Variants in TBCE observed in about 807,000 individuals in gnomAD.
The protein encoded by TBCE is tubulin-specific chaperone E.
A neutral mutation model predicts 77.0 loss-of-function variants in TBCE; 53 were observed. The ratio of observed to expected loss-of-function variants is 0.69; its 90% confidence interval spans 0.55 to 0.87. TBCE has a LOEUF of 0.87. Among genes scored for constraint, TBCE ranks in the 40% least tolerant of loss-of-function variants. TBCE has a pLI of 0.00. For missense variants in TBCE, 624 were observed against 622.4 expected, an observed-to-expected ratio of 1.00 and a Z score of -0.03; for synonymous variants, 235 against 241.3, an observed-to-expected ratio of 0.97 and a Z score of 0.24.
chr1:235,413,478 A>G (rs1036680284), intron 3 of TBCE, among the ~76,000 whole-genome samples: 1 of 152,076 alleles, frequency 6.6e-6, no homozygotes, highest in African/African-American at 2.4e-5. Flanking sequence ...CCTGGCCAAC[A>G]TGGTGAAACC....
intron 2 of TBCE, among the ~76,000 whole-genome samples, chr1:235,388,424 G>C (rs1382285573): frequency 6.6e-6 from 1 of 151,756 alleles, no homozygotes; most frequent in Non-Finnish European, 1.5e-5. Context: ...GAGTAGCTGG[G>C]ATTACGGGGA....
intron 3 of TBCE, among the ~76,000 whole-genome samples, chr1:235,413,324 G>A (rs1362646939): frequency 6.6e-6 from 1 of 150,796 alleles, no homozygotes; most frequent in Non-Finnish European, 1.5e-5. Flanking sequence ...TTGTGTCACT[G>A]CACTCTCACC....
chr1:235,372,215 G>A (rs904754677), intron 1 of TBCE, among the ~76,000 whole-genome samples: 2 of 151,910 alleles, frequency 1.3e-5, no homozygotes. Flanking sequence ...ACTCCACCTC[G>A]CCAGGCTAAT....
chr1:235,440,708 T>A (rs2102935339), intron 13 of TBCE: 1 of 152,326 alleles, frequency 6.6e-6, no homozygotes, highest in Middle Eastern at 3.4e-3. Context: ...TCTGTATTTT[T>A]TTAAAGCCCC....
intron 4 of TBCE, among the ~76,000 whole-genome samples, chr1:235,417,515 G>A (rs148434039): frequency 7.2e-5 from 11 of 152,170 alleles, no homozygotes; most frequent in Non-Finnish European, 1.2e-4. Context: ...AATTGGTGGC[G>A]TCCAGTCTGA....
chr1:235,409,848 G>A (rs375375925), intron 3 of TBCE, among the ~76,000 whole-genome samples: 1 of 24,644 alleles, frequency 4.1e-5, no homozygotes, highest in Non-Finnish European at 7.0e-5. Context: ...ATCTAACACA[G>A]TGAAACCCCG....
rs991410825 is a variant in TBCE, at chr1:235,450,544, G to A, written c.*1782G>A. 5.1e-5 allele frequency: 28 copies of A among 544,868 alleles called. No individual in the cohort carries two copies. The highest frequency in any genetic ancestry group is 7.7e-5 in the Non-Finnish European group (24 of 310,202). 33.8% of individuals were successfully genotyped at this position (544,868 alleles called of 1,614,324 possible). A position where few individuals can be genotyped will look rare whatever the true frequency, so the allele number is the denominator to read the frequency against. On this transcript the variant is annotated 3_prime_UTR_variant, in exon 17 of 17. Transcript: ENST00000642610. ...CCAGGTCCCACAGTCCTGTGGCTGT[G>A]GAATACAGAAACAAGGCGGTGTGTG...
chr1:235,378,215 TG>T (rs1196904624), intron 1 of TBCE, among the ~76,000 whole-genome samples: 13 of 152,128 alleles, frequency 8.5e-5, no homozygotes, highest in Admixed American at 5.9e-4. Context: ...ATCTTTTATT[TG>T]TGTTTTTTTG....
intron 13 of TBCE, among the ~76,000 whole-genome samples, chr1:235,439,422 G>T (rs952214302): frequency 2.0e-5 from 3 of 149,408 alleles, no homozygotes; most frequent in Non-Finnish European, 3.0e-5. Context: ...TGTGAACCCG[G>T]GGGGCGGAGC....
rs1680278440 is a variant in TBCE at position 235,419,509 on chromosome 1, C to G, written c.408C>G (p.Asn136Lys). The G allele has an allele frequency of 6.2e-7, 1 of 1,614,078 alleles. No homozygotes were observed. ...LSKLQEVSLRNCAVSCAGEKG... is the reference protein window; with the variant it reads ...LSKLQEVSLRKCAVSCAGEKG... ...AGTTGCAAGAAGTTTCTCTGAGGAACTGTGCAGTAAGTTGTGCTGGTGAAA... is the reference window on the plus strand; with the variant it reads ...AGTTGCAAGAAGTTTCTCTGAGGAAGTGTGCAGTAAGTTGTGCTGGTGAAA... The change falls in exon 5 of 17, where the codon AAC becomes AAG. Residue 136 changes from asparagine to lysine, a missense_variant. By Grantham distance (94) the Asn-to-Lys change is moderately conservative (BLOSUM62 0). Transcript: ENST00000642610.
Position 235,439,025 on chromosome 1 carries a change from C to T in TBCE, c.1270+103C>T, listed in dbSNP as rs1032904219. On this transcript the variant is annotated intron_variant, in intron 13 of 16. Coordinates refer to ENST00000642610, the MANE Select transcript of TBCE (RefSeq NM_003193.5). Reference sequence around the variant, plus strand: ...GGTTCTCAGTGTTGCTTTTGCCCTTCTTCCTTTCCTGGGCTTCTTGTATTC... The same window carrying T: ...GGTTCTCAGTGTTGCTTTTGCCCTTTTTCCTTTCCTGGGCTTCTTGTATTC... The T allele has an allele frequency of 1.8e-5, 27 of 1,523,670 alleles. 1 individual carries two copies. In the African/African-American group the frequency reaches 3.7e-4, roughly 21 times the overall value. 94.4% of individuals were successfully genotyped at this position (1,523,670 alleles called of 1,614,324 possible). A position where few individuals can be genotyped will look rare whatever the true frequency, so the allele number is the denominator to read the frequency against.
At chr1:235,425,259 C>T (rs898007701) in intron 5 of TBCE, among the ~76,000 whole-genome samples, 1 of 152,118 alleles carries the variant, frequency 6.6e-6, no homozygotes, top group East Asian at 1.9e-4. Context: ...TTGCACAGGC[C>T]ACAGATCTTG....
At chr1:235,371,038 CTTTTTTTTTTTTTTTTTTT>C (rs71174417) in intron 1 of TBCE, among the ~76,000 whole-genome samples, 4 of 23,310 alleles carry the variant, frequency 1.7e-4, no homozygotes, top group East Asian at 2.2e-3. Context: ...TCACGCCTGG[CTTTTTTTTTTTTTTTTTTT>C]TTTTTTTTTT....
At chr1:235,432,079 G>C (rs1681137375) in intron 7 of TBCE, among the ~76,000 whole-genome samples, 1 of 151,898 alleles carries the variant, frequency 6.6e-6, no homozygotes, top group Non-Finnish European at 1.5e-5. Context: ...CGTCTCCTGG[G>C]TTCAAGCAAT....
chr1:235,451,335 C>T lies in TBCE; in HGVS notation c.*2573C>T, dbSNP rs1242641257. ...GTCAGTCTGTGTAAGCCCAACAGTTCCAAGCCAAAAATCTGAAGTATTCAT... is the reference window on the plus strand; with the variant it reads ...GTCAGTCTGTGTAAGCCCAACAGTTTCAAGCCAAAAATCTGAAGTATTCAT... On this transcript the variant is annotated 3_prime_UTR_variant, in exon 17 of 17. Transcript: ENST00000642610. The T allele has an allele frequency of 1.3e-5, 2 of 151,964 alleles. No individual in the cohort carries two copies. The highest frequency in any genetic ancestry group is 2.4e-5 in the African/African-American group (1 of 41,366). 9.4% of individuals were successfully genotyped at this position (151,964 alleles called of 1,614,324 possible).
At chr1:235,402,219 AC>A (rs1175848943) in intron 3 of TBCE, among the ~76,000 whole-genome samples, 8 of 151,942 alleles carry the variant, frequency 5.3e-5, no homozygotes, top group Admixed American at 4.6e-4. Context: ...GCCCACGACC[AC>A]GCCTGGCTAA....
rs548683892 is a variant in TBCE, at chr1:235,407,056, C to T, written c.185+5469C>T. Among the ~76,000 whole-genome samples the T allele has an allele frequency of 4.6e-5, 7 of 151,738 alleles. No individual in the cohort carries two copies. In the South Asian group the frequency reaches 6.3e-4, roughly 14 times the overall value. ...GTTGGTCAGGCTGGTCTCGAACTCC[C>T]GACCTCAGGTGTTCTGCCTGCCTTG... On this transcript the variant is annotated intron_variant, in intron 3 of 16. Transcript: ENST00000642610.
chr1:235,404,595 A>T (rs1476836347), intron 3 of TBCE, among the ~76,000 whole-genome samples: 1 of 152,054 alleles, frequency 6.6e-6, no homozygotes, highest in East Asian at 1.9e-4. Flanking sequence ...AGGCTACACT[A>T]AACTTAGAAG....
chr1:235,437,474 G>A lies in TBCE; in HGVS notation c.1116G>A (p.Glu372=). 6.2e-7 allele frequency: 1 copy of A among 1,613,810 alleles called. No individual in the cohort carries two copies. The highest frequency in any genetic ancestry group is 8.5e-7 in the Non-Finnish European group (1 of 1,179,890). Reference sequence around the variant, plus strand: ...AGCTGAAGACGCTGAACAAATGTGAGGTGAGCACTGGCGTCATGACTAGAT... The same window carrying A: ...AGCTGAAGACGCTGAACAAATGTGAAGTGAGCACTGGCGTCATGACTAGAT... The part of the protein sequence containing the change: ...IGQLKTLNKC[E]ILPEERRRAE... Residue 372 remains glutamate, a splice_region_variant and synonymous_variant, in exon 12 of 17, where the codon GAG becomes GAA. Coordinates refer to ENST00000642610, the MANE Select transcript of TBCE (RefSeq NM_003193.5).
Sources: allele counts gnomAD v4.1 joint callset (sites outside exome capture counted in the v4.1 genomes callset), GRCh38; gene constraint gnomAD v4.1.1; transcripts MANE v1.5; gene names NCBI Gene and HGNC (gene_info 2026-07-23, HGNC 2026-07-21).